RASAL2: variants seen among roughly 807,000 people sequenced by gnomAD.
RASAL2 encodes the protein ras GTPase-activating protein nGAP.
RASAL2 carries 58 observed loss-of-function variants against 128.9 expected under a neutral mutation model. The ratio of observed to expected loss-of-function variants is 0.45; its 90% confidence interval spans 0.36 to 0.56. The LOEUF (loss-of-function observed/expected upper bound fraction) is 0.56. RASAL2 is among the 20% of genes least tolerant of loss of function. The pLI is 0.00. For synonymous variants in RASAL2, 561 were observed against 580.8 expected (o/e 0.97, Z 0.49); for missense variants, 1,360 against 1,601.6 (o/e 0.85, Z 2.57).
chr1:178,111,215 CAGAT>C (rs1262148718), intron 1 of RASAL2, among the ~76,000 whole-genome samples: 3 of 152,104 alleles, frequency 2.0e-5, no homozygotes, highest in Non-Finnish European at 1.5e-5. Flanking sequence ...TTGACTATGA[CAGAT>C]AAAGTTGTTG....
At chr1:178,159,386 G>A (rs1304655733) in intron 1 of RASAL2, among the ~76,000 whole-genome samples, 1 of 152,132 alleles carries the variant, frequency 6.6e-6, no homozygotes, top group African/African-American at 2.4e-5. Context: ...CAATATGGAA[G>A]GGTAGACCTG....
At chr1:178,315,013 C>T (rs1668438696) in intron 3 of RASAL2, among the ~76,000 whole-genome samples, 1 of 146,272 alleles carries the variant, frequency 6.8e-6, no homozygotes, top group South Asian at 2.2e-4. Flanking sequence ...TTGTTCAGTT[C>T]CCACCTGTGA....
At chr1:178,423,671 T>C (rs901813766) in intron 5 of RASAL2, among the ~76,000 whole-genome samples, 1 of 152,118 alleles carries the variant, frequency 6.6e-6, no homozygotes, top group Non-Finnish European at 1.5e-5. Flanking sequence ...TTAGAGTCTG[T>C]ATTTGTAATC....
At chr1:178,398,193 CTA>C (rs1673369913) in intron 4 of RASAL2, among the ~76,000 whole-genome samples, 2 of 151,736 alleles carry the variant, frequency 1.3e-5, no homozygotes, top group South Asian at 4.2e-4. Flanking sequence ...ATTTGGCCTA[CTA>C]TAAGGGAGAT....
intron 3 of RASAL2, among the ~76,000 whole-genome samples, chr1:178,382,556 A>G (rs1672340324): frequency 6.6e-6 from 1 of 152,114 alleles, no homozygotes; most frequent in African/African-American, 2.4e-5. Context: ...GCCAAACTGC[A>G]TGGATTCTAA....
chr1:178,313,986 CTCTT>C (rs1668380396), intron 3 of RASAL2, among the ~76,000 whole-genome samples: 1 of 152,136 alleles, frequency 6.6e-6, no homozygotes, highest in Non-Finnish European at 1.5e-5. Flanking sequence ...ATATTTTCTT[CTCTT>C]TGTCTCTTTG....
rs566899289 is a variant in RASAL2 at position 178,174,734 on chromosome 1, G to A, written c.202+80040G>A. ...TCTGCCTCTGGATTTAAACAGTGTA[G>A]AGTGTTCATGCACGAACCCTTTGAC... On this transcript the variant is annotated intron_variant, in intron 1 of 17. Transcript: ENST00000367649. Among the ~76,000 whole-genome samples the A allele has an allele frequency of 3.9e-5, 6 of 152,274 alleles. No homozygotes were observed. In the South Asian group the frequency reaches 1.2e-3, roughly 32 times the overall value.
At chr1:178,472,974 A>G in intron 17 of RASAL2, 101 bp from the exon 18 acceptor site, 1 of 1,379,830 alleles carries the variant, frequency 7.2e-7, no homozygotes, top group Non-Finnish European at 1.0e-6. Context: ...AGCACCATGC[A>G]TACAACTGTT....
At chr1:178,182,271 G>C (rs116410711) in intron 1 of RASAL2, among the ~76,000 whole-genome samples, 4 of 152,190 alleles carry the variant, frequency 2.6e-5, no homozygotes, top group African/African-American at 9.6e-5. Context: ...TTGTACCTTT[G>C]TTTGAATATA....
chr1:178,201,929 C>T (rs1191452104), intron 1 of RASAL2, among the ~76,000 whole-genome samples: 1 of 152,126 alleles, frequency 6.6e-6, no homozygotes. Context: ...GGCCGGGTCC[C>T]CTTGAAGAAG....
intron 1 of RASAL2, among the ~76,000 whole-genome samples, chr1:178,244,675 G>A (rs372545615): frequency 6.6e-5 from 10 of 152,250 alleles, no homozygotes; most frequent in Admixed American, 5.2e-4. Flanking sequence ...TGTCATCTAT[G>A]TTTTAAGCCC....
intron 3 of RASAL2, among the ~76,000 whole-genome samples, chr1:178,382,249 C>T (rs997397868): frequency 6.6e-6 from 1 of 152,092 alleles, no homozygotes; most frequent in Non-Finnish European, 1.5e-5. Flanking sequence ...CATTTTTTCA[C>T]CATTAACTTT....
intron 4 of RASAL2, among the ~76,000 whole-genome samples, chr1:178,418,148 A>G (rs11584977): frequency 0.25 from 37,861 of 152,012 alleles, 7,516 homozygotes; most frequent in African/African-American, 0.55. Context: ...CCACCCTGCT[A>G]TGCAGTTGAA....
intron 3 of RASAL2, among the ~76,000 whole-genome samples, chr1:178,350,110 C>T (rs777876335): frequency 1.3e-5 from 2 of 152,188 alleles, no homozygotes; most frequent in African/African-American, 2.4e-5. Flanking sequence ...TTGTTTTACT[C>T]AAACTTGATG....
At position 178,286,941 on chromosome 1, in the gene RASAL2, A is replaced by G. The variant is rs115529631; in HGVS notation, c.330+3250A>G. On this transcript the variant is annotated intron_variant, in intron 2 of 17. Transcript: ENST00000367649. ...ACAATTGTGTGCATATTACTCTTTG[A>G]CTAATACCTTCTATCTTTCTAGCTC... 2.5e-3 allele frequency among the ~76,000 whole-genome samples: 385 copies of G among 152,084 alleles called. 3 individuals carry two copies. Among genetic ancestry groups the G allele is most frequent in the African/African-American group, 8.9e-3 (371 of 41,502 alleles).
chr1:178,270,101 G>A (rs748961300), intron 1 of RASAL2, among the ~76,000 whole-genome samples: 4 of 152,092 alleles, frequency 2.6e-5, no homozygotes, highest in Non-Finnish European at 5.9e-5. Context: ...TTGCTCCATT[G>A]TCTTCCAAAT....
chr1:178,113,511 A>AGAGTGTGTGTGT (rs1371559135), intron 1 of RASAL2, among the ~76,000 whole-genome samples: 1 of 122,188 alleles, frequency 8.2e-6, no homozygotes, highest in African/African-American at 3.1e-5. Context: ...CATGCCTGCG[A>AGAGTGTGTGTGT]GTGTGTGTGT....
intron 3 of RASAL2, among the ~76,000 whole-genome samples, chr1:178,321,648 G>C (rs1275058761): frequency 3.3e-5 from 5 of 151,744 alleles, no homozygotes; most frequent in African/African-American, 1.2e-4. Flanking sequence ...CTAGTAGCTG[G>C]GACTACAGGC....
At chr1:178,162,381 A>G (rs1339067457) in intron 1 of RASAL2, among the ~76,000 whole-genome samples, 1 of 114,364 alleles carries the variant, frequency 8.7e-6, no homozygotes, top group Non-Finnish European at 1.7e-5. Context: ...ATATATATTT[A>G]TATATTATAT....
Sources: allele counts gnomAD v4.1 joint callset (sites outside exome capture counted in the v4.1 genomes callset), GRCh38; gene constraint gnomAD v4.1.1; transcripts MANE v1.5; gene names NCBI Gene and HGNC (gene_info 2026-07-23, HGNC 2026-07-21).